Variants in PPP5C observed in about 807,000 individuals in gnomAD.
PPP5C encodes the protein protein phosphatase 5 catalytic subunit, also known as serine/threonine-protein phosphatase 5.
PPP5C carries 21 observed loss-of-function variants against 66.7 expected under a neutral mutation model. That is an observed-to-expected ratio of 0.31 (90% CI 0.22 to 0.45). The LOEUF is 0.45. Ranked by LOEUF, PPP5C falls within the 20% of genes least tolerant of loss-of-function variation. The pLI is 1.00. For synonymous variants in PPP5C, 246 were observed against 257.4 expected (o/e 0.96, Z 0.43); for missense variants, 464 against 675.9 (o/e 0.69, Z 3.48).
intron 2 of PPP5C, among the ~76,000 whole-genome samples, chr19:46,354,324 G>C (rs935580892): frequency 2.6e-5 from 4 of 152,212 alleles, no homozygotes; most frequent in Non-Finnish European, 5.9e-5. Context: ...TTGGCCCGGG[G>C]TCAGTGTCCT....
chr19:46,350,646 T>C (rs2147358198), intron 1 of PPP5C, among the ~76,000 whole-genome samples: 1 of 152,298 alleles, frequency 6.6e-6, no homozygotes, highest in East Asian at 1.9e-4. Flanking sequence ...TCACCTTAAT[T>C]GAGCCTTGTG....
intron 2 of PPP5C, among the ~76,000 whole-genome samples, chr19:46,371,357 C>T (rs1972588214): frequency 6.6e-6 from 1 of 152,198 alleles, no homozygotes; most frequent in South Asian, 2.1e-4. Context: ...GTGAAAGTAA[C>T]AGGAATAGTC....
At chr19:46,389,336 C>CACACACACACACACACACTCTCCAGCCT (rs1972952501) in intron 11 of PPP5C, among the ~76,000 whole-genome samples, 1 of 145,150 alleles carries the variant, frequency 6.9e-6, no homozygotes, top group African/African-American at 2.7e-5. Flanking sequence ...CACACGCACA[C>CACACACACACACACACACTCTCCAGCCT]GGGCAAGAGT....
rs1158423038 is a variant in PPP5C, at chr19:46,363,307, C to CAAAAAAAA, written c.363+9351_363+9358dup. On this transcript the variant is annotated intron_variant, in intron 2 of 12. Coordinates refer to ENST00000012443, the MANE Select transcript of PPP5C (RefSeq NM_006247.4). ...TGGGCGACAGAGCGAGACTCCATCT[C>CAAAAAAAA]AAAAAAAAAAAAAAAAAAAAAAAAA... 3.6e-4 allele frequency among the ~76,000 whole-genome samples: 10 copies of CAAAAAAAA among 27,940 alleles called. 3 individuals carry two copies. Among genetic ancestry groups the CAAAAAAAA allele is most frequent in the Non-Finnish European group, 5.0e-4 (9 of 18,062 alleles). 18.3% of individuals were successfully genotyped at this position (27,940 alleles called of 152,430 possible).
chr19:46,384,504 G>A, intron 6 of PPP5C: 1 of 363,932 alleles, frequency 2.7e-6, no homozygotes, highest in Non-Finnish European at 5.3e-6. Context: ...AGCTGAAGGA[G>A]GTGGACTGAC....
chr19:46,350,815 GC>G (rs1332255752), intron 1 of PPP5C, among the ~76,000 whole-genome samples: 1 of 152,038 alleles, frequency 6.6e-6, no homozygotes, highest in African/African-American at 2.4e-5. Flanking sequence ...CCCCTTCCTC[GC>G]CACGTGCTTG....
At chr19:46,384,527 C>A (rs1972849917) in intron 6 of PPP5C, 4 of 407,842 alleles carry the variant, frequency 9.8e-6, no homozygotes, top group Admixed American at 3.6e-5. Flanking sequence ...GTCCCCGCAC[C>A]TCCCCGCCAC....
At chr19:46,375,913 C>T (rs947531005) in intron 3 of PPP5C, among the ~76,000 whole-genome samples, 162 bp downstream of exon 3, 2 of 152,172 alleles carry the variant, frequency 1.3e-5, no homozygotes, top group Non-Finnish European at 2.9e-5. Flanking sequence ...CCATCCACAG[C>T]CCAAAGCTGG....
intron 2 of PPP5C, among the ~76,000 whole-genome samples, chr19:46,362,589 T>G (rs1972410060): frequency 6.6e-6 from 1 of 152,072 alleles, no homozygotes; most frequent in Non-Finnish European, 1.5e-5. Context: ...TGTATTTAAT[T>G]TATTCATTTT....
intron 2 of PPP5C, among the ~76,000 whole-genome samples, chr19:46,358,947 C>A (rs566603232): frequency 6.6e-6 from 1 of 152,272 alleles, no homozygotes; most frequent in African/African-American, 2.4e-5. Context: ...TGGGACATGA[C>A]TGCTCCCTCA....
At position 46,378,611 on chromosome 19, in the gene PPP5C, T is replaced by C. The variant is rs566302719; in HGVS notation, c.633+2037T>C. Among the ~76,000 whole-genome samples the C allele has an allele frequency of 5.9e-5, 9 of 152,348 alleles. No homozygotes were observed. The East Asian group carries it at 1.5e-3, about 26-fold the overall frequency. On this transcript the variant is annotated intron_variant, in intron 4 of 12. Transcript: ENST00000012443. ...CTCCCTATAATTCTCAGTTTTTTGC[T>C]TCCTGTATTTTGAAATTTTTATTAG...
Position 46,369,631 on chromosome 19 carries a change from C to CAA in PPP5C, c.364-5960_364-5959dup, listed in dbSNP as rs34783979. On this transcript the variant is annotated intron_variant, in intron 2 of 12. Coordinates refer to ENST00000012443, the MANE Select transcript of PPP5C (RefSeq NM_006247.4). ...TGGGTGACAGGGCGAGACTCTGTCT[C>CAA]AAAAAAAAAAAAAAGGCCAGGCATG... 6.4e-3 allele frequency among the ~76,000 whole-genome samples: 765 copies of CAA among 119,092 alleles called. 6 individuals carry two copies. Among genetic ancestry groups the CAA allele is most frequent in the African/African-American group, 0.016 (513 of 31,936 alleles). 78.1% of individuals were successfully genotyped at this position (119,092 alleles called of 152,430 possible). A position where few individuals can be genotyped will look rare whatever the true frequency, so the allele number is the denominator to read the frequency against.
In PPP5C at chr19:46,390,617, G is replaced by A. The variant is rs1405233541; in HGVS notation, c.*271G>A. 2.2e-5 allele frequency: 30 copies of A among 1,336,336 alleles called. No homozygotes were observed. In the East Asian group the frequency reaches 5.5e-4, roughly 25 times the overall value. The allele number at this position is 1,336,336 out of a possible 1,614,324, so 82.8% of individuals were successfully genotyped here. On this transcript the variant is annotated 3_prime_UTR_variant, in exon 13 of 13. Coordinates refer to ENST00000012443, the MANE Select transcript of PPP5C (RefSeq NM_006247.4). ...GGCATTCTGTGGGGAGGCCGTCCTC[G>A]GGGTGGGGTGGGGCCGAGTGGCTGC... is the stretch of plus-strand genomic sequence containing the variant.
intron 1 of PPP5C, among the ~76,000 whole-genome samples, chr19:46,348,588 A>G (rs1303772528): frequency 6.6e-6 from 1 of 152,200 alleles, no homozygotes; most frequent in Non-Finnish European, 1.5e-5. Flanking sequence ...TGCTGGGATT[A>G]CAGGCATGAG....
In PPP5C at chr19:46,376,252, G is replaced by C. The variant is rs183118375; in HGVS notation, c.512-201G>C. ...GCCATAAAACTGAATAGAGTAAAGG[G>C]GGGTGGGTGAAGGAAGACAGGGAGG... On this transcript the variant is annotated intron_variant, in intron 3 of 12. Transcript: ENST00000012443. The surrounding 1 kb of genome is among the most constrained non-coding windows in gnomAD (Gnocchi z 5.1). Among the ~76,000 whole-genome samples the C allele has an allele frequency of 2.0e-5, 3 of 152,250 alleles. No individual in the cohort carries two copies. The East Asian group carries it at 5.8e-4, about 30-fold the overall frequency.
At chr19:46,373,846 A>G (rs953183845) in intron 2 of PPP5C, among the ~76,000 whole-genome samples, 1 of 152,038 alleles carries the variant, frequency 6.6e-6, no homozygotes, top group African/African-American at 2.4e-5. Flanking sequence ...TTCCTAGAGG[A>G]GGGATCAGTG....
Position 46,388,195 on chromosome 19 carries a change from G to A in PPP5C, c.1136-213G>A, listed in dbSNP as rs772252369. 65 of 539,030 alleles carry A rather than the reference G, an allele frequency of 1.2e-4. No individual in the cohort carries two copies. The highest frequency in any genetic ancestry group is 1.9e-4 in the African/African-American group (10 of 53,214). The allele number at this position is 539,030 out of a possible 1,614,324, so 33.4% of individuals were successfully genotyped here. Reference sequence around the variant, plus strand: ...CTTCGGGGCCACAGGGGATTGAATGGGGTCTGGAGGGCAGATCAGCAGAGA... The same window carrying A: ...CTTCGGGGCCACAGGGGATTGAATGAGGTCTGGAGGGCAGATCAGCAGAGA... On this transcript the variant is annotated intron_variant, in intron 9 of 12. Coordinates refer to ENST00000012443, the MANE Select transcript of PPP5C (RefSeq NM_006247.4). The surrounding 1 kb of genome is among the most constrained non-coding windows in gnomAD (Gnocchi z 4.9).
chr19:46,375,468 T>C, intron 2 of PPP5C, 136 bp from the exon 3 acceptor site: 1 of 1,336,640 alleles, frequency 7.5e-7, no homozygotes, highest in Non-Finnish European at 1.0e-6. Context: ...TAAATACGTC[T>C]AGGGTTGCAC....
In PPP5C at chr19:46,383,681, T is replaced by A. The variant is rs1972834028; in HGVS notation, c.700-99T>A. On this transcript the variant is annotated intron_variant, in intron 5 of 12. Coordinates refer to ENST00000012443, the MANE Select transcript of PPP5C (RefSeq NM_006247.4). This position sits in a 1 kb window ranked among gnomAD's most constrained non-coding sequence, Gnocchi z 5.0. The stretch of plus-strand genomic sequence containing the variant: ...CTGCTTGTGTCTCTTGCATGATTCT[T>A]CTTGGTCTACTGTGAACTCTTACCC... 2 of 1,105,020 alleles carry A rather than the reference T, an allele frequency of 1.8e-6. No homozygotes were observed. The highest frequency in any genetic ancestry group is 4.0e-5 in the Admixed American group (2 of 49,790). The allele number at this position is 1,105,020 out of a possible 1,614,324, so 68.5% of individuals were successfully genotyped here.
Sources: gnomAD v4.1 joint callset for allele counts (sites outside exome capture counted in the v4.1 genomes callset) on GRCh38, gnomAD v4.1.1 for gene constraint, Gnocchi (gnomAD v3.1) non-coding constraint, MANE v1.5 for transcripts, NCBI Gene and HGNC (gene_info 2026-07-23, HGNC 2026-07-21) for gene names.